Variants in AFDN observed in about 807,000 individuals in gnomAD.
AFDN encodes afadin.
AFDN carries 68 observed loss-of-function variants against 216.6 expected under a neutral mutation model. That is an observed-to-expected ratio of 0.31 (90% CI 0.26 to 0.38). The LOEUF (loss-of-function observed/expected upper bound fraction) is 0.38, where lower values mean the gene tolerates loss of function less well. Among genes scored for constraint, AFDN ranks in the 10% least tolerant of loss-of-function variants. AFDN has a pLI of 1.00. For missense variants in AFDN, 2,136 were observed against 2,342.0 expected, an observed-to-expected ratio of 0.91 and a Z score of 1.82; for synonymous variants, 868 against 853.7, an observed-to-expected ratio of 1.02 and a Z score of -0.29.
Position 167,951,854 on chromosome 6 carries a change from A to C in AFDN, c.4500A>C (p.Arg1500Ser), listed in dbSNP as rs1178919156. 8 of 1,614,044 alleles carry C rather than the reference A, an allele frequency of 5.0e-6. No homozygotes were observed. The highest frequency in any genetic ancestry group is 1.3e-5 in the African/African-American group (1 of 74,930). Residue 1500 changes from arginine (R) to serine (S), a missense_variant, in exon 30 of 34, where the codon AGA becomes AGC. This residue lies in a region of AFDN where 981 missense variants were observed against 966.0 expected (regional missense o/e 1.02). Coordinates refer to ENST00000683244, the MANE Select transcript of AFDN (RefSeq NM_001386888.1). This position sits in a 1 kb window ranked among gnomAD's most constrained non-coding sequence, Gnocchi z 7.1. ...AGCAGCCCCGCACGATCGAGCGCAG[A>C]GACTTGCAGTACATTACAGTCAGCA... ...PQQQPRTIER[R>S]DLQYITVSKE...
rs778905310 is a variant in AFDN, at chr6:167,875,506, G to C, written c.739+11G>C. 1 of 1,612,368 alleles carries C rather than the reference G, an allele frequency of 6.2e-7. No homozygotes were observed. Among genetic ancestry groups the C allele is most frequent in the East Asian group, 2.2e-5 (1 of 44,868 alleles). On this transcript the variant is annotated intron_variant, in intron 5 of 33. Coordinates refer to ENST00000683244, the MANE Select transcript of AFDN (RefSeq NM_001386888.1). ...GGCGGCCTGATTCAGGTACAACTTG[G>C]TATTTTTTCTCTGTTCTACCTGTTA...
At chr6:167,838,579 T>G (rs1439951995) in intron 1 of AFDN, among the ~76,000 whole-genome samples, 1 of 152,224 alleles carries the variant, frequency 6.6e-6, no homozygotes, top group Non-Finnish European at 1.5e-5. Flanking sequence ...TTTAACAATC[T>G]TCGAGAGGTT....
At chr6:167,954,267 C>T (rs1796284573) in intron 30 of AFDN, among the ~76,000 whole-genome samples, 1 of 152,146 alleles carries the variant, frequency 6.6e-6, no homozygotes, top group East Asian at 1.9e-4. Flanking sequence ...CATTTAATAC[C>T]ATGTGGGCAT....
chr6:167,913,144 A>G (rs1040363834), intron 15 of AFDN, among the ~76,000 whole-genome samples: 4 of 152,192 alleles, frequency 2.6e-5, no homozygotes, highest in Non-Finnish European at 4.4e-5. Flanking sequence ...TGGTAACATC[A>G]TATTTATTGA....
chr6:167,931,182 G>C (rs1248496208), intron 23 of AFDN, among the ~76,000 whole-genome samples: 1 of 152,212 alleles, frequency 6.6e-6, no homozygotes, highest in Non-Finnish European at 1.5e-5. Context: ...TGGCTTATGA[G>C]TTGCAGTAGT....
chr6:167,875,300 GT>G, intron 4 of AFDN, 34 bp from the exon 5 acceptor site: 1 of 1,587,904 alleles, frequency 6.3e-7, no homozygotes, highest in African/African-American at 1.4e-5. Context: ...AGAAAACAGT[GT>G]TTAAAATATT....
At chr6:167,864,173 CTA>C (rs1436910036) in intron 1 of AFDN, 1 of 448,894 alleles carries the variant, frequency 2.2e-6, no homozygotes, top group Non-Finnish European at 4.5e-6. Flanking sequence ...GAACTCAACT[CTA>C]TGAGTTTGGA....
intron 9 of AFDN, 79 bp downstream of exon 9, chr6:167,893,985 A>G (rs1787927341): frequency 9.4e-7 from 1 of 1,060,706 alleles, no homozygotes. Flanking sequence ...GAATGACCAA[A>G]TATCTTATGT....
At chr6:167,954,204 G>A (rs557213085) in intron 30 of AFDN, among the ~76,000 whole-genome samples, 1 of 152,298 alleles carries the variant, frequency 6.6e-6, no homozygotes, top group African/African-American at 2.4e-5. Flanking sequence ...AAATAAGAAA[G>A]CTAAGGGAAA....
chr6:167,949,036 T>C (rs1795665655), intron 29 of AFDN, among the ~76,000 whole-genome samples: 1 of 152,176 alleles, frequency 6.6e-6, no homozygotes, highest in Non-Finnish European at 1.5e-5. Context: ...TCTAAGGCAG[T>C]GAAGATAGGC....
chr6:167,861,418 A>G (rs563082393), intron 1 of AFDN, among the ~76,000 whole-genome samples: 3 of 152,286 alleles, frequency 2.0e-5, no homozygotes, highest in Non-Finnish European at 4.4e-5. Context: ...TTACTTTTCT[A>G]TACACAGGAA....
chr6:167,920,482 T>C (rs990600861), intron 21 of AFDN, among the ~76,000 whole-genome samples: 1 of 152,184 alleles, frequency 6.6e-6, no homozygotes, highest in African/African-American at 2.4e-5. Context: ...CCAGCTTTCC[T>C]TCCCACAGGC....
chr6:167,830,170 C>T (rs943599619), intron 1 of AFDN, among the ~76,000 whole-genome samples: 2 of 152,264 alleles, frequency 1.3e-5, no homozygotes, highest in Admixed American at 1.3e-4. Flanking sequence ...AGCTTGTTTT[C>T]TTTTAGGGAT....
intron 1 of AFDN, 74 bp from the exon 2 acceptor site, chr6:167,864,477 C>G: frequency 7.4e-7 from 1 of 1,356,286 alleles, no homozygotes; most frequent in South Asian, 1.2e-5. Context: ...CAGACTTCCT[C>G]ATTTATTATT....
chr6:167,880,107 C>T (rs899914600), intron 5 of AFDN, among the ~76,000 whole-genome samples: 8 of 152,086 alleles, frequency 5.3e-5, no homozygotes, highest in Admixed American at 1.3e-4. Flanking sequence ...ACTCCTTTAG[C>T]TTGAAGAGAG....
At chr6:167,918,366 C>G (rs971738171) in intron 20 of AFDN, among the ~76,000 whole-genome samples, 3 of 152,016 alleles carry the variant, frequency 2.0e-5, no homozygotes, top group African/African-American at 7.2e-5. Flanking sequence ...ATTAAACATT[C>G]TATACAAATA....
At chr6:167,884,167 C>T (rs1396890802) in intron 6 of AFDN, among the ~76,000 whole-genome samples, 4 of 152,132 alleles carry the variant, frequency 2.6e-5, no homozygotes, top group Non-Finnish European at 5.9e-5. Context: ...ATCTTCAGAC[C>T]CCATTTATAA....
intron 3 of AFDN, 53 bp from the exon 4 acceptor site, chr6:167,872,161 T>A (rs1784866630): frequency 6.5e-7 from 1 of 1,545,708 alleles, no homozygotes. Flanking sequence ...CCGTAGGCAA[T>A]TTTATGTGAT....
At chr6:167,942,082 T>C (rs1443117960) in intron 23 of AFDN, among the ~76,000 whole-genome samples, 1 of 151,738 alleles carries the variant, frequency 6.6e-6, no homozygotes, top group East Asian at 1.9e-4. Context: ...TTTGGTTTGG[T>C]TTGGTTTGGT....
Sources: allele counts gnomAD v4.1 joint callset (sites outside exome capture counted in the v4.1 genomes callset), GRCh38; gene constraint gnomAD v4.1.1; regional missense constraint gnomAD v4.1.1; non-coding constraint Gnocchi (gnomAD v3.1); transcripts MANE v1.5; gene names NCBI Gene and HGNC (gene_info 2026-07-23, HGNC 2026-07-21).